Variants in ERAP1 observed in about 807,000 individuals in gnomAD.
ERAP1 encodes endoplasmic reticulum aminopeptidase 1.
A neutral mutation model predicts 103.7 loss-of-function variants in ERAP1; 86 were observed. The ratio of observed to expected loss-of-function variants is 0.83; its 90% CI spans 0.70 to 0.99. The LOEUF is 0.99. Among genes scored for constraint, ERAP1 ranks in the 50% least tolerant of loss-of-function variants. ERAP1 has a pLI of 0.00. For missense variants in ERAP1, 1,009 were observed against 1,128.4 expected (o/e 0.89, Z 1.52); for synonymous variants, 398 against 402.4 (o/e 0.99, Z 0.13).
chr5:96,771,491 C>A (rs1378567916), downstream of ERAP1, among the ~76,000 whole-genome samples: 4 of 152,042 alleles, frequency 2.6e-5, no homozygotes, highest in African/African-American at 4.8e-5. Context: ...GAAGAACTCA[C>A]AATATTGTGG....
the ERAP1 span, chr5:96,903,628 T>C: frequency 2.2e-6 from 3 of 1,382,830 alleles, no homozygotes; most frequent in Admixed American, 4.6e-5. Flanking sequence ...TAGACTTCAA[T>C]ATTGAATGTT....
At chr5:96,919,869 G>A in the ERAP1 span, among the ~76,000 whole-genome samples, 3 of 152,178 alleles carry the variant, frequency 2.0e-5, no homozygotes, top group Non-Finnish European at 4.4e-5. Flanking sequence ...AGGTGAACAG[G>A]TTTGACTTCT....
the ERAP1 span, among the ~76,000 whole-genome samples, chr5:96,859,247 C>T: frequency 6.6e-6 from 1 of 152,212 alleles, no homozygotes; most frequent in African/African-American, 2.4e-5. Context: ...CTGGTCTGTA[C>T]TTGGGGCTGT....
chr5:96,785,678 C>CA, intron 13 of ERAP1, 110 bp downstream of exon 13: 1 of 1,238,866 alleles, frequency 8.1e-7, no homozygotes, highest in Non-Finnish European at 1.2e-6. Flanking sequence ...AAGGAAAACA[C>CA]CTTTCAACTT....
At chr5:96,857,937 G>A in the ERAP1 span, among the ~76,000 whole-genome samples, 1 of 152,306 alleles carries the variant, frequency 6.6e-6, no homozygotes, top group South Asian at 2.1e-4. Flanking sequence ...GGGTCAGAGG[G>A]AAAATACCAA....
chr5:96,896,723 T>G, the ERAP1 span: 1 of 1,563,098 alleles, frequency 6.4e-7, no homozygotes, highest in Non-Finnish European at 8.6e-7. Flanking sequence ...CTTTTGTTTT[T>G]TTTTAAAGGG....
chr5:96,863,532 C>T, the ERAP1 span, among the ~76,000 whole-genome samples: 1 of 152,152 alleles, frequency 6.6e-6, no homozygotes, highest in Non-Finnish European at 1.5e-5. Flanking sequence ...TTATAATCCT[C>T]CCCCGTGCCC....
At chr5:96,909,029 C>T in the ERAP1 span, 18 of 1,614,042 alleles carry the variant, frequency 1.1e-5, no homozygotes, top group Non-Finnish European at 3.4e-6. Flanking sequence ...ACAAGCAGCC[C>T]CGCACTTCTC....
intron 19 of ERAP1, among the ~76,000 whole-genome samples, chr5:96,763,600 GT>G (rs1305489445): frequency 1.8e-4 from 28 of 152,258 alleles, no homozygotes; most frequent in Admixed American, 1.4e-3. Flanking sequence ...AGAGAGGCTT[GT>G]TTTTAGTTAA....
exon 20 of ERAP1, chr5:96,762,422 C>A (rs1237056727): frequency 1.5e-6 from 2 of 1,357,806 alleles, no homozygotes; most frequent in African/African-American, 1.5e-5. Flanking sequence ...GCAGCCACAA[C>A]TAGAAAGAAA....
chr5:96,836,911 A>C, the ERAP1 span, among the ~76,000 whole-genome samples: 2 of 152,202 alleles, frequency 1.3e-5, no homozygotes, highest in Non-Finnish European at 2.9e-5. Flanking sequence ...TGCAAATCAG[A>C]AGATTTTTTA....
intron 19 of ERAP1, among the ~76,000 whole-genome samples, chr5:96,765,887 C>T (rs1769765225): frequency 6.6e-6 from 1 of 152,134 alleles, no homozygotes; most frequent in Non-Finnish European, 1.5e-5. Context: ...AGCCAACTAG[C>T]AGTCTGTTGA....
the ERAP1 span, among the ~76,000 whole-genome samples, chr5:96,861,137 A>G: frequency 1.3e-5 from 2 of 152,110 alleles, no homozygotes; most frequent in Admixed American, 1.3e-4. Context: ...ATTTTCATCA[A>G]TTCCCACAAA....
the ERAP1 span, among the ~76,000 whole-genome samples, chr5:96,874,990 C>G: frequency 6.6e-5 from 10 of 152,202 alleles, no homozygotes; most frequent in Admixed American, 4.6e-4. Flanking sequence ...CAGTAGGCCA[C>G]TATGGTTCCC....
the ERAP1 span, among the ~76,000 whole-genome samples, chr5:96,832,944 C>T: frequency 2.0e-5 from 3 of 152,206 alleles, no homozygotes; most frequent in Admixed American, 1.3e-4. Flanking sequence ...GTGGAGCCAT[C>T]GTGAATGAAA....
chr5:96,915,906 G>A, the ERAP1 span: 3 of 619,884 alleles, frequency 4.8e-6, no homozygotes, highest in Non-Finnish European at 8.1e-6. Flanking sequence ...CATATAGCAA[G>A]TAAATGGAAG....
rs771986824 is a variant in ERAP1 at position 96,803,617 on chromosome 5, TAG to T, written c.308_309del (p.Ser103Ter). 2.5e-6 allele frequency: 4 copies of T among 1,614,078 alleles called. No homozygotes were observed. Among genetic ancestry groups the T allele is most frequent in the Non-Finnish European group, 3.4e-6 (4 of 1,180,046 alleles). On this transcript the variant is annotated frameshift_variant, in exon 2 of 19. Transcript: ENST00000443439. LOFTEE classifies it high-confidence loss of function. The stretch of plus-strand genomic sequence containing the variant: ...CCAGCTCCCTTCCTGAGGGTGGCCC[TAG>T]ATATCTGCAGGTGGTGACTATGCAG... ...IILHSHHLQISRATLRKGAGE... is the reference protein window; with the variant it reads ...IILHSHHLQIXRATLRKGAGE...
chr5:96,810,810 A>G (rs1779107816), upstream of ERAP1, among the ~76,000 whole-genome samples: 2 of 152,232 alleles, frequency 1.3e-5, no homozygotes, highest in Non-Finnish European at 2.9e-5. Flanking sequence ...TGATTGATTC[A>G]GTTCTGCTTT....
chr5:96,869,541 A>G, the ERAP1 span, among the ~76,000 whole-genome samples: 2 of 152,240 alleles, frequency 1.3e-5, no homozygotes, highest in Non-Finnish European at 2.9e-5. Context: ...ATTTTTATAG[A>G]AAAGGATGGT....
Sources: gnomAD v4.1 joint callset for allele counts (sites outside exome capture counted in the v4.1 genomes callset) on GRCh38, gnomAD v4.1.1 for gene constraint, MANE v1.5 for transcripts, NCBI Gene and HGNC (gene_info 2026-07-23, HGNC 2026-07-21) for gene names.